NHSL1: variants seen among roughly 807,000 people sequenced by gnomAD.
NHSL1 encodes the protein NHS-like protein 1.
Under a neutral mutation model 95.0 loss-of-function variants are expected in NHSL1, and 48 were observed. That is an observed-to-expected ratio of 0.51 (90% CI 0.40 to 0.64). The LOEUF (loss-of-function observed/expected upper bound fraction) is 0.64, where lower values mean the gene tolerates loss of function less well. Ranked by LOEUF, NHSL1 falls within the 30% of genes least tolerant of loss-of-function variation. The probability of loss-of-function intolerance (pLI) is 0.00; values close to 1 mark genes in which losing one functional copy is unlikely to be tolerated. For missense variants in NHSL1, 1,971 were observed against 2,077.7 expected, an observed-to-expected ratio of 0.95 and a Z score of 1.00; for synonymous variants, 783 against 833.9, an observed-to-expected ratio of 0.94 and a Z score of 1.05.
At chr6:138,564,908 C>A (rs1783550960) in intron 1 of NHSL1, among the ~76,000 whole-genome samples, 1 of 152,038 alleles carries the variant, frequency 6.6e-6, no homozygotes. Flanking sequence ...ACTCGAGCAC[C>A]CTGGCACAGG....
chr6:138,646,669 G>A (rs1417964262), intron 1 of NHSL1, among the ~76,000 whole-genome samples: 1 of 152,138 alleles, frequency 6.6e-6, no homozygotes, highest in Non-Finnish European at 1.5e-5. Context: ...GGGGTGAGGG[G>A]TAAACTGATT....
chr6:138,569,443 A>C (rs746903475), intron 1 of NHSL1, among the ~76,000 whole-genome samples: 1 of 152,166 alleles, frequency 6.6e-6, no homozygotes, highest in Non-Finnish European at 1.5e-5. Context: ...TTGGGCAGAG[A>C]GATATAAAAG....
rs538791704 is a variant in NHSL1, at chr6:138,497,621, A to C, written c.59-1250T>G. ...AGCACAGTTATTAGGGCTACTCTAAAGATCAAATGAACCAATATACATAAA... is the reference window on the plus strand; with the variant it reads ...AGCACAGTTATTAGGGCTACTCTAACGATCAAATGAACCAATATACATAAA... On this transcript the variant is annotated intron_variant, in intron 1 of 7. Transcript: ENST00000343505. 4.6e-5 allele frequency among the ~76,000 whole-genome samples: 7 copies of C among 152,368 alleles called. No homozygotes were observed. The East Asian group carries it at 1.3e-3, about 29-fold the overall frequency.
At chr6:138,535,663 G>A (rs1782310785) in intron 1 of NHSL1, among the ~76,000 whole-genome samples, 1 of 152,154 alleles carries the variant, frequency 6.6e-6, no homozygotes, top group African/African-American at 2.4e-5. Flanking sequence ...ACGAAATGGG[G>A]AAGTCTGCAG....
At chr6:138,633,623 C>T (rs578256973) in intron 1 of NHSL1, among the ~76,000 whole-genome samples, 2 of 152,114 alleles carry the variant, frequency 1.3e-5, no homozygotes, top group Non-Finnish European at 2.9e-5. Context: ...AATTTGTCGT[C>T]CCCAGACAAA....
chr6:138,439,011 G>A (rs1429450135), intron 5 of NHSL1, among the ~76,000 whole-genome samples: 1 of 152,110 alleles, frequency 6.6e-6, no homozygotes, highest in African/African-American at 2.4e-5. Context: ...TCACTGAAAC[G>A]AAAGGCAACA....
At position 138,554,460 on chromosome 6, in the gene NHSL1, T is replaced by C. The variant is rs970923269; in HGVS notation, c.202+17250A>G. On this transcript the variant is annotated intron_variant, in intron 1 of 6. Transcript: ENST00000427025. Reference sequence around the variant, plus strand: ...AGAATTATTCAAGTTCATGTACCAATCAACCAGGCGGACCACAGTTCTGCC... The same window carrying C: ...AGAATTATTCAAGTTCATGTACCAACCAACCAGGCGGACCACAGTTCTGCC... Among the ~76,000 whole-genome samples the C allele has an allele frequency of 3.3e-5, 5 of 152,204 alleles. No homozygotes were observed. The East Asian group carries it at 7.7e-4, about 23-fold the overall frequency.
At chr6:138,549,251 C>T (rs1583396279), upstream of NHSL1, among the ~76,000 whole-genome samples, 1 of 152,160 alleles carries the variant, frequency 6.6e-6, no homozygotes, top group Non-Finnish European at 1.5e-5. Flanking sequence ...GGCGTAGTGG[C>T]GCATGCCTGT....
At chr6:138,580,508 G>A (rs969857995) in intron 1 of NHSL1, among the ~76,000 whole-genome samples, 2 of 152,132 alleles carry the variant, frequency 1.3e-5, no homozygotes, top group Non-Finnish European at 2.9e-5. Context: ...GGGGATGAGG[G>A]ACGTGGGAAG....
upstream of NHSL1, among the ~76,000 whole-genome samples, chr6:138,503,878 T>A (rs60173254): frequency 3.9e-5 from 6 of 152,156 alleles, no homozygotes; most frequent in Middle Eastern, 6.8e-3. Flanking sequence ...CTATTAGGAC[T>A]ATCATCTTTT....
chr6:138,624,411 T>G (rs1429943903), intron 1 of NHSL1, among the ~76,000 whole-genome samples: 1 of 152,190 alleles, frequency 6.6e-6, no homozygotes, highest in Non-Finnish European at 1.5e-5. Flanking sequence ...GTTCATTGTA[T>G]GACACAGATG....
At chr6:138,535,118 T>C (rs1477745228) in intron 1 of NHSL1, among the ~76,000 whole-genome samples, 1 of 152,152 alleles carries the variant, frequency 6.6e-6, no homozygotes, top group Non-Finnish European at 1.5e-5. Context: ...GGGTTGAAAG[T>C]AGGCTATAAA....
At chr6:138,518,031 G>T (rs981163805) in intron 1 of NHSL1, among the ~76,000 whole-genome samples, 1 of 152,180 alleles carries the variant, frequency 6.6e-6, no homozygotes, top group Admixed American at 6.5e-5. Context: ...TCAGATGGTG[G>T]GGAGGGGCAG....
chr6:138,464,112 T>C, intron 3 of NHSL1: 1 of 516,922 alleles, frequency 1.9e-6, no homozygotes, highest in East Asian at 3.9e-5. Flanking sequence ...TGTTCAGCTA[T>C]CCTCACCGCT....
In NHSL1 at chr6:138,426,022, C is replaced by T. The variant is rs535420882; in HGVS notation, c.4086-1206G>A. 6.6e-5 allele frequency among the ~76,000 whole-genome samples: 10 copies of T among 152,300 alleles called. No homozygotes were observed. In the East Asian group the frequency reaches 1.9e-3, roughly 29 times the overall value. ...CTGAGTCTCTGAGAACCTCACTGTT[C>T]AATGTGCTTTCCATTGCCAGTGACA... On this transcript the variant is annotated intron_variant, in intron 7 of 7. Coordinates refer to ENST00000343505, the MANE Select transcript of NHSL1 (RefSeq NM_001144060.2).
In NHSL1 at chr6:138,486,418, C is replaced by T. The variant is rs73774823; in HGVS notation, c.211+9801G>A. Among the ~76,000 whole-genome samples the T allele has an allele frequency of 8.9e-3, 1,351 of 152,220 alleles. 13 individuals carry two copies. The highest frequency in any genetic ancestry group is 0.029 in the African/African-American group (1,221 of 41,526). Reference sequence around the variant, plus strand: ...AACTGCCCTTTCAAAGGTCACCAATCACCACCTAACAACCGATTCAATAGC... The same window carrying T: ...AACTGCCCTTTCAAAGGTCACCAATTACCACCTAACAACCGATTCAATAGC... On this transcript the variant is annotated intron_variant, in intron 2 of 7. Transcript: ENST00000343505.
intron 1 of NHSL1, among the ~76,000 whole-genome samples, chr6:138,542,610 A>G (rs1368383688): frequency 6.6e-6 from 1 of 152,250 alleles, no homozygotes; most frequent in Non-Finnish European, 1.5e-5. Flanking sequence ...TCTTCACCGA[A>G]GTTAGAGAAG....
intron 1 of NHSL1, among the ~76,000 whole-genome samples, chr6:138,678,213 T>TA (rs1200947790): frequency 6.6e-6 from 1 of 152,102 alleles, no homozygotes; most frequent in African/African-American, 2.4e-5. Context: ...TAACATATAA[T>TA]AAATAAAAAT....
chr6:138,510,675 T>C (rs78038264), intron 1 of NHSL1, among the ~76,000 whole-genome samples: 4,331 of 152,346 alleles, frequency 0.028, 85 homozygotes, highest in Admixed American at 0.048. Flanking sequence ...TAATGTCAGT[T>C]AGCCAAAGAC....
Sources: allele counts gnomAD v4.1 joint callset (sites outside exome capture counted in the v4.1 genomes callset), GRCh38; gene constraint gnomAD v4.1.1; transcripts MANE v1.5; gene names NCBI Gene and HGNC (gene_info 2026-07-23, HGNC 2026-07-21).